IGF2BP2: variants seen among roughly 807,000 people sequenced by gnomAD.
IGF2BP2 encodes insulin-like growth factor 2 mRNA-binding protein 2.
A neutral mutation model predicts 75.8 loss-of-function variants in IGF2BP2; 17 were observed. The ratio of observed to expected loss-of-function variants is 0.22; its 90% CI spans 0.15 to 0.34. The LOEUF is 0.34. Ranked by LOEUF, IGF2BP2 falls within the 10% of genes least tolerant of loss-of-function variation. The probability of loss-of-function intolerance (pLI) is 1.00; values close to 1 mark genes in which losing one functional copy is unlikely to be tolerated. For synonymous variants in IGF2BP2, 288 were observed against 295.6 expected (o/e 0.97, Z 0.26); for missense variants, 516 against 772.4 (o/e 0.67, Z 3.93).
intron 2 of IGF2BP2, among the ~76,000 whole-genome samples, chr3:185,748,615 G>C (rs1730570344): frequency 6.6e-6 from 1 of 152,160 alleles, no homozygotes. Context: ...TTCGACTCTT[G>C]ATTTAGAATA....
At chr3:185,730,517 C>G (rs977885233) in intron 2 of IGF2BP2, among the ~76,000 whole-genome samples, 1 of 150,938 alleles carries the variant, frequency 6.6e-6, no homozygotes, top group African/African-American at 2.4e-5. Flanking sequence ...TCACCACAAC[C>G]TCCACCTCCA....
chr3:185,769,649 G>A (rs1473150770), intron 2 of IGF2BP2, among the ~76,000 whole-genome samples: 2 of 151,474 alleles, frequency 1.3e-5, no homozygotes, highest in Non-Finnish European at 2.9e-5. Flanking sequence ...ACCATCCTGG[G>A]CAACATACCA....
intron 2 of IGF2BP2, among the ~76,000 whole-genome samples, chr3:185,784,096 G>A (rs1375004510): frequency 2.0e-5 from 3 of 152,148 alleles, no homozygotes; most frequent in Non-Finnish European, 4.4e-5. Flanking sequence ...TTAGCCAGGT[G>A]TGGTGGCGCA....
At chr3:185,673,925 T>A (rs916448981) in intron 9 of IGF2BP2, among the ~76,000 whole-genome samples, 12 of 152,206 alleles carry the variant, frequency 7.9e-5, no homozygotes, top group Non-Finnish European at 1.0e-4. Context: ...TACCACAAGA[T>A]GTCAAGAACC....
intron 13 of IGF2BP2, among the ~76,000 whole-genome samples, chr3:185,650,147 C>T (rs141501533): frequency 3.0e-3 from 456 of 149,780 alleles, no homozygotes; most frequent in African/African-American, 9.8e-3. Context: ...CTTGAACTCA[C>T]GGCCTCAAGT....
At chr3:185,753,108 C>T (rs779622979) in intron 2 of IGF2BP2, among the ~76,000 whole-genome samples, 17 of 152,156 alleles carry the variant, frequency 1.1e-4, no homozygotes, top group African/African-American at 2.9e-4. Flanking sequence ...TTCCATTTTA[C>T]GCTGTGCTTC....
At chr3:185,811,821 G>A (rs907141341) in intron 2 of IGF2BP2, among the ~76,000 whole-genome samples, 1 of 140,666 alleles carries the variant, frequency 7.1e-6, no homozygotes, top group Non-Finnish European at 1.6e-5. Flanking sequence ...ACGGTGCTCA[G>A]AGTAGGGTGT....
chr3:185,745,703 C>A (rs1730166096), intron 2 of IGF2BP2, among the ~76,000 whole-genome samples: 1 of 152,206 alleles, frequency 6.6e-6, no homozygotes, highest in Non-Finnish European at 1.5e-5. Flanking sequence ...CACTCACAAA[C>A]AAAACACTGG....
chr3:185,673,650 G>A (rs927746147), intron 9 of IGF2BP2, among the ~76,000 whole-genome samples: 5 of 152,182 alleles, frequency 3.3e-5, no homozygotes, highest in African/African-American at 7.2e-5. Flanking sequence ...TGAACATGAA[G>A]CAATTTCCTA....
At chr3:185,771,039 T>C (rs1733797041) in intron 2 of IGF2BP2, among the ~76,000 whole-genome samples, 1 of 152,146 alleles carries the variant, frequency 6.6e-6, no homozygotes, top group Non-Finnish European at 1.5e-5. Flanking sequence ...GCATGAGCCA[T>C]GGCACCCAGC....
At chr3:185,752,798 T>C (rs879666287) in intron 2 of IGF2BP2, among the ~76,000 whole-genome samples, 6 of 152,158 alleles carry the variant, frequency 3.9e-5, no homozygotes, top group Non-Finnish European at 5.9e-5. Context: ...GGTTTCACCA[T>C]GTTGGCCAGG....
At chr3:185,819,911 C>T (rs1741105975) in intron 2 of IGF2BP2, among the ~76,000 whole-genome samples, 1 of 151,884 alleles carries the variant, frequency 6.6e-6, no homozygotes. Context: ...AAGCAAAATA[C>T]AATTGAGATA....
At chr3:185,665,338 G>A (rs866324037) in intron 10 of IGF2BP2, among the ~76,000 whole-genome samples, 64 of 114,256 alleles carry the variant, frequency 5.6e-4, no homozygotes, top group East Asian at 7.8e-4. Flanking sequence ...GGAGGAGGAG[G>A]AGGAGAAGGA....
At chr3:185,783,149 G>A (rs2149810555) in intron 2 of IGF2BP2, among the ~76,000 whole-genome samples, 1 of 152,326 alleles carries the variant, frequency 6.6e-6, no homozygotes, top group Middle Eastern at 3.4e-3. Flanking sequence ...ATTCACAGTT[G>A]AGACACACAA....
intron 2 of IGF2BP2, among the ~76,000 whole-genome samples, chr3:185,738,047 A>C (rs1729076168): frequency 6.6e-6 from 1 of 152,244 alleles, no homozygotes; most frequent in African/African-American, 2.4e-5. Flanking sequence ...TTACCAGGCC[A>C]TTGCCAACAC....
At chr3:185,757,096 G>A (rs1293726686) in intron 2 of IGF2BP2, among the ~76,000 whole-genome samples, 1 of 152,132 alleles carries the variant, frequency 6.6e-6, no homozygotes, top group Non-Finnish European at 1.5e-5. Flanking sequence ...TTCTACTCCT[G>A]GGACACATTA....
At position 185,772,046 on chromosome 3, in the gene IGF2BP2, C is replaced by A. The variant is rs146998369; in HGVS notation, c.239+51107G>T. ...TCCTTTTGCTTAAGCTAGCTTGATT[C>A]TGTTTCTATTACTCAGAACCAAAAG... On this transcript the variant is annotated intron_variant, in intron 2 of 15. Transcript: ENST00000382199. Among the ~76,000 whole-genome samples the A allele has an allele frequency of 1.7e-3, 254 of 152,240 alleles. 4 individuals are homozygous for A. The East Asian group carries it at 0.018, about 11-fold the overall frequency.
At chr3:185,793,849 G>A (rs1463783099) in intron 2 of IGF2BP2, among the ~76,000 whole-genome samples, 3 of 152,038 alleles carry the variant, frequency 2.0e-5, no homozygotes, top group Admixed American at 1.3e-4. Context: ...ACAGCTCTAT[G>A]GAGTTTTGGC....
intron 13 of IGF2BP2, among the ~76,000 whole-genome samples, chr3:185,651,876 G>T (rs551113415): frequency 6.6e-6 from 1 of 152,300 alleles, no homozygotes; most frequent in African/African-American, 2.4e-5. Context: ...ACCAACAGAT[G>T]ATCTACTTTT....
Sources: allele counts gnomAD v4.1 joint callset (sites outside exome capture counted in the v4.1 genomes callset), GRCh38; gene constraint gnomAD v4.1.1; transcripts MANE v1.5; gene names NCBI Gene and HGNC (gene_info 2026-07-23, HGNC 2026-07-21).